The following DPYSL2 variants were observed in gnomAD, a reference collection of about 807,000 sequenced individuals.
DPYSL2 encodes dihydropyrimidinase-related protein 2.
In DPYSL2, 13 loss-of-function variants were observed where a neutral mutation model predicts 69.9. The ratio of observed to expected loss-of-function variants is 0.19; its 90% CI spans 0.12 to 0.30. The LOEUF is 0.30. Ranked by LOEUF, DPYSL2 falls within the 10% of genes least tolerant of loss-of-function variation. The pLI, the probability that DPYSL2 is intolerant of heterozygous loss-of-function variation, is 1.00. For synonymous variants in DPYSL2, 326 were observed against 359.1 expected (o/e 0.91, Z 1.04); for missense variants, 587 against 918.9 (o/e 0.64, Z 4.67).
intron 10 of DPYSL2, among the ~76,000 whole-genome samples, chr8:26,646,360 T>G (rs982573380): frequency 6.6e-6 from 1 of 152,216 alleles, no homozygotes; most frequent in Non-Finnish European, 1.5e-5. Context: ...TCCAGAAAGT[T>G]TGTACTGCTT....
At chr8:26,611,056 A>T (rs910522022) in intron 3 of DPYSL2, among the ~76,000 whole-genome samples, 3 of 152,224 alleles carry the variant, frequency 2.0e-5, no homozygotes, top group East Asian at 3.9e-4. Context: ...TGCCATTTCT[A>T]TTTTGCAGAT....
intron 3 of DPYSL2, among the ~76,000 whole-genome samples, chr8:26,607,663 G>A (rs1344432053): frequency 6.6e-6 from 1 of 151,966 alleles, no homozygotes; most frequent in African/African-American, 2.4e-5. Context: ...GGTTTTGTGT[G>A]CCTGTAGTCC....
chr8:26,634,684 C>T (rs982064192), intron 7 of DPYSL2, 96 bp from the exon 8 acceptor site: 58 of 1,592,548 alleles, frequency 3.6e-5, no homozygotes, highest in East Asian at 4.5e-5. Flanking sequence ...CCAGCAGCCT[C>T]GCCTTCATCT....
intron 1 of DPYSL2, among the ~76,000 whole-genome samples, chr8:26,557,623 C>CAAAAAAAAAAAAAA (rs56215906): frequency 3.8e-4 from 28 of 74,252 alleles, no homozygotes; most frequent in East Asian, 9.7e-4. Context: ...ACTAAAAATA[C>CAAAAAAAAAAAAAA]AAAAAAAAAA....
chr8:26,570,741 GAAAAAAAAAA>G (rs572040580), intron 1 of DPYSL2, among the ~76,000 whole-genome samples: 6 of 108,302 alleles, frequency 5.5e-5, no homozygotes, highest in African/African-American at 1.3e-4. Flanking sequence ...CTTAGAAAAG[GAAAAAAAAAA>G]AAAAAAAAAA....
chr8:26,579,426 A>G (rs933320368), intron 1 of DPYSL2, among the ~76,000 whole-genome samples: 1 of 152,210 alleles, frequency 6.6e-6, no homozygotes, highest in South Asian at 2.1e-4. Context: ...TTATATAAGG[A>G]TGTGCAATTG....
intron 1 of DPYSL2, among the ~76,000 whole-genome samples, chr8:26,534,280 A>C (rs932023287): frequency 1.3e-5 from 2 of 152,164 alleles, no homozygotes; most frequent in Non-Finnish European, 1.5e-5. Context: ...TCCTAGGCTC[A>C]AGTGATCCTC....
Position 26,627,797 on chromosome 8 carries a change from A to C in DPYSL2, c.937-75A>C, listed in dbSNP as rs890996601. The C allele has an allele frequency of 6.9e-7, 1 of 1,453,210 alleles. No individual in the cohort carries two copies. The highest frequency in any genetic ancestry group is 9.5e-7 in the Non-Finnish European group (1 of 1,050,840). The allele number at this position is 1,453,210 out of a possible 1,614,324, so 90.0% of individuals were successfully genotyped here. On this transcript the variant is annotated intron_variant, in intron 6 of 13. Coordinates refer to ENST00000521913, the MANE Select transcript of DPYSL2 (RefSeq NM_001197293.3). The surrounding 1 kb of genome is among the most constrained non-coding windows in gnomAD (Gnocchi z 6.9). ...TTTTCCATCTTGCCCGGATAACTGC[A>C]TGCCCGGGCCTCTGCCATCAGAGCT... is the stretch of plus-strand genomic sequence containing the variant.
intron 1 of DPYSL2, among the ~76,000 whole-genome samples, chr8:26,558,504 G>C (rs1801024463): frequency 6.6e-6 from 1 of 152,194 alleles, no homozygotes; most frequent in Non-Finnish European, 1.5e-5. Flanking sequence ...ACAAGATACT[G>C]TGGTGGTGGA....
Position 26,624,669 on chromosome 8 carries a change from C to A in DPYSL2, c.793+362C>A, listed in dbSNP as rs916855779. On this transcript the variant is annotated intron_variant, in intron 4 of 13. Coordinates refer to ENST00000521913, the MANE Select transcript of DPYSL2 (RefSeq NM_001197293.3). This position sits in a 1 kb window ranked among gnomAD's most constrained non-coding sequence, Gnocchi z 4.7. ...CCCTCAAAAGATAACAAATACATAT[C>A]TCAGTGAGGATTTGACAGTCTCAGG... Among the ~76,000 whole-genome samples, 3 of 152,204 alleles carry A rather than the reference C, an allele frequency of 2.0e-5. No homozygotes were observed. Among genetic ancestry groups the A allele is most frequent in the African/African-American group, 7.2e-5 (3 of 41,448 alleles).
Position 26,514,648 on chromosome 8 carries a change from G to A in DPYSL2, c.323G>A (p.Gly108Asp). 2 of 1,407,840 alleles carry A rather than the reference G, an allele frequency of 1.4e-6. No individual in the cohort carries two copies. Among genetic ancestry groups the A allele is most frequent in the African/African-American group, 1.5e-5 (1 of 67,674 alleles). 87.2% of individuals were successfully genotyped at this position (1,407,840 alleles called of 1,614,324 possible). Residue 108 changes from glycine to aspartate, a missense_variant, in exon 1 of 14, where the codon GGC becomes GAC. Physicochemically the swap from Gly to Asp is moderately conservative, Grantham distance 94. Transcript: ENST00000521913. This position sits in a 1 kb window ranked among gnomAD's most constrained non-coding sequence, Gnocchi z 8.4. ...AAGGTGGAGATCCGGAGGGCCTCGG[G>A]CAAAGAAGCCCTGCAGAACATCAAC... is the stretch of plus-strand genomic sequence containing the variant. ...GRKVEIRRAS[G>D]KEALQNINDQ...
chr8:26,547,763 T>C, intron 1 of DPYSL2: 2 of 287,284 alleles, frequency 7.0e-6, no homozygotes, highest in South Asian at 7.3e-5. Flanking sequence ...CAGGCGGAGG[T>C]CTTCAGGCAA....
At chr8:26,630,030 GAC>G (rs1563417746) in intron 7 of DPYSL2, among the ~76,000 whole-genome samples, 17 of 152,080 alleles carry the variant, frequency 1.1e-4, no homozygotes, top group Non-Finnish European at 8.8e-5. Flanking sequence ...TACACACACA[GAC>G]ACATTTTAGC....
chr8:26,521,963 T>A (rs568100536), intron 1 of DPYSL2, among the ~76,000 whole-genome samples: 20 of 152,376 alleles, frequency 1.3e-4, no homozygotes, highest in Admixed American at 2.6e-4. Context: ...ACCTTTTGGC[T>A]ATTAGGAATA....
intron 1 of DPYSL2, among the ~76,000 whole-genome samples, chr8:26,526,908 TGATATCAGAAAGTGGG>T (rs1298764943): frequency 6.6e-6 from 1 of 152,174 alleles, no homozygotes; most frequent in Non-Finnish European, 1.5e-5. Context: ...CTGGGTTGGG[TGATATCAGAAAGTGGG>T]GACAATCCTA....
intron 8 of DPYSL2, among the ~76,000 whole-genome samples, chr8:26,638,330 A>G (rs956160089): frequency 2.0e-5 from 3 of 152,224 alleles, no homozygotes; most frequent in Non-Finnish European, 4.4e-5. Context: ...AAATTTTGCT[A>G]TAAATGTGAG....
At position 26,647,560 on chromosome 8, in the gene DPYSL2, T is replaced by G; in HGVS notation, c.1426-70T>G. On this transcript the variant is annotated intron_variant, in intron 10 of 13. Transcript: ENST00000521913. The surrounding 1 kb of genome is among the most constrained non-coding windows in gnomAD (Gnocchi z 5.1). ...GCTGTCGTGTGTATCAATAGTTTGT[T>G]ATTGAAAAGTAACTTTTTAACTCGT... The G allele has an allele frequency of 6.7e-7, 1 of 1,489,080 alleles. No homozygotes were observed. Among genetic ancestry groups the G allele is most frequent in the Non-Finnish European group, 9.1e-7 (1 of 1,103,206 alleles). The allele number at this position is 1,489,080 out of a possible 1,614,324, so 92.2% of individuals were successfully genotyped here. A position where few individuals can be genotyped will look rare whatever the true frequency, so the allele number is the denominator to read the frequency against.
intron 7 of DPYSL2, among the ~76,000 whole-genome samples, chr8:26,632,272 T>C (rs1221135600): frequency 6.6e-6 from 1 of 152,122 alleles, no homozygotes; most frequent in Non-Finnish European, 1.5e-5. Flanking sequence ...ATTGTGGGGA[T>C]GCAAAACAGA....
intron 1 of DPYSL2, among the ~76,000 whole-genome samples, chr8:26,552,745 C>A (rs1183072411): frequency 6.6e-6 from 1 of 152,164 alleles, no homozygotes; most frequent in East Asian, 1.9e-4. Flanking sequence ...CCCTCAATAA[C>A]CCATTAATTG....
Sources: allele counts gnomAD v4.1 joint callset (sites outside exome capture counted in the v4.1 genomes callset), GRCh38; gene constraint gnomAD v4.1.1; non-coding constraint Gnocchi (gnomAD v3.1); transcripts MANE v1.5; gene names NCBI Gene and HGNC (gene_info 2026-07-23, HGNC 2026-07-21).